CHCHD3: variants seen among roughly 807,000 people sequenced by gnomAD.
The protein encoded by CHCHD3 is coiled-coil-helix-coiled-coil-helix domain containing 3.
CHCHD3 carries 20 observed loss-of-function variants against 38.2 expected under a neutral mutation model. That is an observed-to-expected ratio of 0.52 (90% CI 0.37 to 0.76). The LOEUF is 0.76. Ranked by LOEUF, CHCHD3 falls within the 30% of genes least tolerant of loss-of-function variation. CHCHD3 has a pLI of 0.00. For missense variants in CHCHD3, 245 were observed against 279.2 expected, an observed-to-expected ratio of 0.88 and a Z score of 0.87; for synonymous variants, 82 against 100.0, an observed-to-expected ratio of 0.82 and a Z score of 1.07.
At chr7:132,838,538 T>A (rs1373004498) in intron 5 of CHCHD3, 69 bp from the exon 6 acceptor site, 7 of 1,167,150 alleles carry the variant, frequency 6.0e-6, no homozygotes, top group Non-Finnish European at 8.8e-6. Flanking sequence ...GATTTACAAC[T>A]TCAAAAAACA....
At chr7:132,978,440 T>C (rs973341416) in intron 3 of CHCHD3, among the ~76,000 whole-genome samples, 1 of 152,184 alleles carries the variant, frequency 6.6e-6, no homozygotes, top group African/African-American at 2.4e-5. Context: ...CGATTTGCCC[T>C]ATTTTTGTTC....
chr7:132,984,803 GA>G (rs1812044585), intron 3 of CHCHD3, among the ~76,000 whole-genome samples: 1 of 141,874 alleles, frequency 7.0e-6, no homozygotes, highest in African/African-American at 2.6e-5. Context: ...CTCCGTCTGG[GA>G]AGTGAGGAGC....
chr7:133,007,813 C>A (rs1812740867), intron 3 of CHCHD3, among the ~76,000 whole-genome samples: 1 of 152,202 alleles, frequency 6.6e-6, no homozygotes, highest in African/African-American at 2.4e-5. Flanking sequence ...TCTGGCTTCT[C>A]AACATCTGAT....
At chr7:133,009,463 A>C (rs781317381) in intron 3 of CHCHD3, among the ~76,000 whole-genome samples, 1 of 151,230 alleles carries the variant, frequency 6.6e-6, no homozygotes, top group Non-Finnish European at 1.5e-5. Context: ...GTGCCTGGAG[A>C]GAGCCCTGAT....
At chr7:133,042,654 C>G (rs576072573) in intron 2 of CHCHD3, among the ~76,000 whole-genome samples, 5 of 152,286 alleles carry the variant, frequency 3.3e-5, no homozygotes, top group Admixed American at 3.3e-4. Flanking sequence ...GGAAGATGTT[C>G]CATGTCCCTA....
chr7:133,043,292 G>A (rs1432754809), intron 2 of CHCHD3, among the ~76,000 whole-genome samples: 1 of 151,894 alleles, frequency 6.6e-6, no homozygotes, highest in Non-Finnish European at 1.5e-5. Flanking sequence ...TTCATTTGTG[G>A]ACCAACCATA....
At chr7:132,844,752 T>A (rs1203811440) in intron 5 of CHCHD3, among the ~76,000 whole-genome samples, 1 of 152,218 alleles carries the variant, frequency 6.6e-6, no homozygotes, top group Admixed American at 6.5e-5. Context: ...GACTTGCACA[T>A]CCTTGTCAAA....
At chr7:132,998,434 C>G (rs1325124094) in intron 3 of CHCHD3, among the ~76,000 whole-genome samples, 1 of 152,154 alleles carries the variant, frequency 6.6e-6, no homozygotes, top group Non-Finnish European at 1.5e-5. Context: ...AAACTTGGAA[C>G]TGGGGTCTCA....
intron 6 of CHCHD3, among the ~76,000 whole-genome samples, chr7:132,797,361 C>A (rs1365900940): frequency 6.6e-6 from 1 of 152,218 alleles, no homozygotes; most frequent in East Asian, 1.9e-4. Flanking sequence ...TGATACTTCA[C>A]TCAAGTGTCA....
intron 4 of CHCHD3, among the ~76,000 whole-genome samples, chr7:132,951,380 C>T (rs1413849556): frequency 1.3e-5 from 2 of 152,190 alleles, no homozygotes; most frequent in African/African-American, 2.4e-5. Flanking sequence ...AGAAACACAT[C>T]ATTACTCTGA....
At chr7:132,997,463 T>C (rs1343840145) in intron 3 of CHCHD3, among the ~76,000 whole-genome samples, 1 of 152,110 alleles carries the variant, frequency 6.6e-6, no homozygotes, top group African/African-American at 2.4e-5. Context: ...AAAAAAAGTA[T>C]GCTATCACCT....
chr7:132,886,311 T>A (rs1809207367), intron 4 of CHCHD3, among the ~76,000 whole-genome samples: 1 of 152,034 alleles, frequency 6.6e-6, no homozygotes. Flanking sequence ...ATAACCATAT[T>A]TAAAAGTAAT....
intron 2 of CHCHD3, among the ~76,000 whole-genome samples, chr7:133,069,415 C>A (rs1814757849): frequency 6.6e-6 from 1 of 152,034 alleles, no homozygotes; most frequent in Admixed American, 6.5e-5. Flanking sequence ...CTAATAAGTA[C>A]AGGAAAATCT....
chr7:133,043,750 T>A (rs1415731038), intron 2 of CHCHD3, among the ~76,000 whole-genome samples: 7 of 152,334 alleles, frequency 4.6e-5, no homozygotes, highest in African/African-American at 1.4e-4. Flanking sequence ...AGAACTTTTG[T>A]GTTTTATTTA....
intron 2 of CHCHD3, among the ~76,000 whole-genome samples, chr7:133,064,457 C>T (rs915018014): frequency 2.6e-5 from 4 of 152,256 alleles, no homozygotes; most frequent in African/African-American, 4.8e-5. Flanking sequence ...TCTTGTAACT[C>T]GAGTCAAAGG....
rs558477829 is a variant in CHCHD3, at chr7:132,975,188, C to T, written c.350G>A (p.Arg117His). The T allele has an allele frequency of 1.2e-5, 20 of 1,612,044 alleles. No homozygotes were observed. Among genetic ancestry groups the T allele is most frequent in the Middle Eastern group, 2.2e-4 (1 of 4,504 alleles). Residue 117 changes from arginine to histidine, a missense_variant, in exon 4 of 8, where the codon CGC becomes CAC. By Grantham distance (29) the Arg-to-His change is conservative. Coordinates refer to ENST00000262570, the MANE Select transcript of CHCHD3 (RefSeq NM_017812.4). ...LRERICSEEERAKAKHLARQL... is the reference protein window; with the variant it reads ...LRERICSEEEHAKAKHLARQL... ...ACTCACCAGGTGCTTTGCCTTAGCGCGTTCCTCCTCGCTACATATCCTCTC... is the reference window on the plus strand; with the variant it reads ...ACTCACCAGGTGCTTTGCCTTAGCGTGTTCCTCCTCGCTACATATCCTCTC...
chr7:133,010,416 C>T (rs1399092730), intron 3 of CHCHD3, among the ~76,000 whole-genome samples: 2 of 152,104 alleles, frequency 1.3e-5, no homozygotes, highest in African/African-American at 2.4e-5. Context: ...CATTAAATGG[C>T]AGTTGCTATT....
At chr7:133,040,870 A>G (rs995083587) in intron 2 of CHCHD3, among the ~76,000 whole-genome samples, 35 of 152,244 alleles carry the variant, frequency 2.3e-4, no homozygotes, top group African/African-American at 8.4e-4. Flanking sequence ...AGGAAATTAA[A>G]GAGTCATTAA....
chr7:132,885,081 G>A (rs962735544), intron 5 of CHCHD3, among the ~76,000 whole-genome samples: 2 of 151,994 alleles, frequency 1.3e-5, no homozygotes, highest in Non-Finnish European at 2.9e-5. Context: ...GTGAAACCCT[G>A]TCTCTAATAA....
Sources: gnomAD v4.1 joint callset for allele counts (sites outside exome capture counted in the v4.1 genomes callset) on GRCh38, gnomAD v4.1.1 for gene constraint, MANE v1.5 for transcripts, NCBI Gene and HGNC (gene_info 2026-07-23, HGNC 2026-07-21) for gene names.